SCLT1: variants seen among roughly 807,000 people sequenced by gnomAD.
SCLT1 encodes sodium channel and clathrin linker 1, also known as sodium channel-associated protein 1.
SCLT1 carries 78 observed loss-of-function variants against 112.8 expected under a neutral mutation model. The observed-to-expected ratio is 0.69, with a 90% CI of 0.58 to 0.83. The LOEUF is 0.83. SCLT1 is among the 40% of genes least tolerant of loss of function. The pLI, the probability that SCLT1 is intolerant of heterozygous loss-of-function variation, is 0.00. For synonymous variants in SCLT1, 257 were observed against 254.7 expected (o/e 1.01, Z -0.09); for missense variants, 747 against 770.4 (o/e 0.97, Z 0.36).
chr4:129,069,094 G>A (rs1326584502), intron 2 of SCLT1, among the ~76,000 whole-genome samples: 2 of 151,994 alleles, frequency 1.3e-5, no homozygotes, highest in Non-Finnish European at 2.9e-5. Context: ...AAGTATTTGG[G>A]TTTATTTTTG....
chr4:128,982,126 T>C (rs1741710472), intron 9 of SCLT1, among the ~76,000 whole-genome samples: 1 of 152,150 alleles, frequency 6.6e-6, no homozygotes, highest in Admixed American at 6.5e-5. Context: ...GATGGTACAA[T>C]TCACAAATAT....
chr4:129,027,762 G>A (rs1414903118), intron 5 of SCLT1, among the ~76,000 whole-genome samples: 1 of 152,152 alleles, frequency 6.6e-6, no homozygotes, highest in South Asian at 2.1e-4. Flanking sequence ...TGACATGATT[G>A]TATATCTAGA....
intron 5 of SCLT1, among the ~76,000 whole-genome samples, chr4:129,023,572 T>C (rs1007781935): frequency 2.0e-5 from 3 of 152,092 alleles, no homozygotes; most frequent in Non-Finnish European, 2.9e-5. Flanking sequence ...GATGGCCGAA[T>C]AGGAACAGCT....
chr4:129,028,533 G>T (rs968337116), intron 5 of SCLT1, among the ~76,000 whole-genome samples: 3 of 151,976 alleles, frequency 2.0e-5, no homozygotes, highest in Non-Finnish European at 4.4e-5. Context: ...AACTCAAGAT[G>T]GATTAAAGAC....
chr4:129,029,640 C>T (rs1290417980), intron 5 of SCLT1, among the ~76,000 whole-genome samples: 2 of 151,798 alleles, frequency 1.3e-5, no homozygotes, highest in African/African-American at 2.4e-5. Context: ...AACCAATCTG[C>T]ACATTGTGCA....
intron 2 of SCLT1, among the ~76,000 whole-genome samples, chr4:129,064,057 G>T: frequency 6.6e-6 from 1 of 152,172 alleles, no homozygotes; most frequent in East Asian, 1.9e-4. Flanking sequence ...TAAACTCCTA[G>T]AAAGGGTGGT....
chr4:129,091,713 C>G (rs555642478), intron 1 of SCLT1, among the ~76,000 whole-genome samples: 7 of 152,268 alleles, frequency 4.6e-5, no homozygotes, highest in Admixed American at 6.5e-5. Flanking sequence ...ATGCTCAATG[C>G]TTTTTCATCA....
chr4:128,930,627 A>G (rs1311134310), intron 18 of SCLT1, among the ~76,000 whole-genome samples: 1 of 152,346 alleles, frequency 6.6e-6, no homozygotes, highest in East Asian at 1.9e-4. Context: ...AAGAAGATAA[A>G]TACAAAGAAT....
chr4:129,050,100 T>C (rs982369861), intron 2 of SCLT1, among the ~76,000 whole-genome samples: 4 of 152,236 alleles, frequency 2.6e-5, no homozygotes, highest in African/African-American at 9.7e-5. Flanking sequence ...TAGTATTCCG[T>C]GGTGTATATG....
chr4:129,006,656 T>C (rs1285768673), intron 5 of SCLT1, among the ~76,000 whole-genome samples: 1 of 152,140 alleles, frequency 6.6e-6, no homozygotes, highest in Non-Finnish European at 1.5e-5. Flanking sequence ...TTACACTTCA[T>C]ACAAAGGAAG....
chr4:129,048,209 C>T (rs576285308), intron 2 of SCLT1, among the ~76,000 whole-genome samples: 96 of 152,104 alleles, frequency 6.3e-4, no homozygotes, highest in Non-Finnish European at 8.4e-4. Context: ...GGAGGCATCA[C>T]GCTACCTGAC....
intron 14 of SCLT1, among the ~76,000 whole-genome samples, chr4:128,949,617 A>T (rs1579473691): frequency 6.6e-6 from 1 of 151,914 alleles, no homozygotes; most frequent in East Asian, 1.9e-4. Context: ...CCTATAAGTG[A>T]GAACATGCGG....
rs369684015 is a variant in SCLT1, at chr4:129,057,745, ATTTCTTTTTTT to A, written c.103-13705_103-13695del. 4.8e-3 allele frequency among the ~76,000 whole-genome samples: 712 copies of A among 149,320 alleles called. 4 individuals carry two copies. Among genetic ancestry groups the A allele is most frequent in the African/African-American group, 0.016 (650 of 40,810 alleles). The stretch of plus-strand genomic sequence containing the variant: ...AGTCCTATTGATCCTTTGTATTTGT[ATTTCTTTTTTT>A]TTTCTTTTTTTTTGAGAGGGAGTCT... On this transcript the variant is annotated intron_variant, in intron 2 of 20. Coordinates refer to ENST00000281142, the MANE Select transcript of SCLT1 (RefSeq NM_144643.4).
intron 2 of SCLT1, among the ~76,000 whole-genome samples, chr4:129,061,146 A>C (rs989897058): frequency 6.6e-6 from 1 of 152,150 alleles, no homozygotes; most frequent in Non-Finnish European, 1.5e-5. Flanking sequence ...ATACCAGGGG[A>C]TAAGACACCA....
intron 8 of SCLT1, among the ~76,000 whole-genome samples, chr4:128,994,800 C>CA (rs1376990069): frequency 6.6e-6 from 1 of 152,080 alleles, no homozygotes; most frequent in African/African-American, 2.4e-5. Context: ...TTCACATACC[C>CA]ATTGCCTTGG....
chr4:128,908,588 T>A (rs140909724), intron 18 of SCLT1, among the ~76,000 whole-genome samples: 1 of 152,152 alleles, frequency 6.6e-6, no homozygotes, highest in African/African-American at 2.4e-5. Context: ...TACAATCTAA[T>A]TGAATAATTA....
intron 9 of SCLT1, among the ~76,000 whole-genome samples, chr4:128,980,920 G>A (rs1579583714): frequency 6.6e-6 from 1 of 152,188 alleles, no homozygotes; most frequent in South Asian, 2.1e-4. Context: ...AGAGGTCAAA[G>A]AGCAAAGGAC....
intron 6 of SCLT1, among the ~76,000 whole-genome samples, chr4:129,002,007 T>TA (rs530393775): frequency 6.6e-6 from 1 of 151,910 alleles, no homozygotes; most frequent in East Asian, 1.9e-4. Context: ...ATTCATACAT[T>TA]AAAAAAAATT....
At position 128,946,043 on chromosome 4, in the gene SCLT1, G is replaced by C. The variant is rs762809545; in HGVS notation, c.1403C>G (p.Thr468Arg). 13 of 1,610,716 alleles carry C rather than the reference G, an allele frequency of 8.1e-6. No homozygotes were observed. The African/African-American group carries it at 9.4e-5, about 12-fold the overall frequency. Reference protein sequence around the residue: ...RSKDDLQLRLTRAENRIKQLE... With the variant: ...RSKDDLQLRLRRAENRIKQLE... ...TTGTTTTATTCTATTTTCTGCTCTC[G>C]TAAGTCTTAGCTGAAGATCATCTTT... The change falls in exon 16 of 21, where the codon ACG becomes AGG. Residue 468 changes from threonine (T) to arginine (R), a missense_variant. Thr to Arg is a moderately conservative substitution (Grantham distance 71). Transcript: ENST00000281142.
Sources: gnomAD v4.1 joint callset for allele counts (sites outside exome capture counted in the v4.1 genomes callset) on GRCh38, gnomAD v4.1.1 for gene constraint, MANE v1.5 for transcripts, NCBI Gene and HGNC (gene_info 2026-07-23, HGNC 2026-07-21) for gene names.